The following ACY1 variants were observed in gnomAD, a reference collection of about 807,000 sequenced individuals.
ACY1 encodes aminoacylase 1, also known as aminoacylase-1.
ACY1 carries 38 observed loss-of-function variants against 53.3 expected under a neutral mutation model. That is an observed-to-expected ratio of 0.71 (90% confidence interval 0.55 to 0.93). ACY1 has a LOEUF of 0.93. Ranked by LOEUF, ACY1 falls within the 40% of genes least tolerant of loss-of-function variation. The probability of loss-of-function intolerance (pLI) is 0.00; values close to 1 mark genes in which losing one functional copy is unlikely to be tolerated. For missense variants in ACY1, 484 were observed against 540.9 expected, an observed-to-expected ratio of 0.89 and a Z score of 1.04; for synonymous variants, 177 against 202.1, an observed-to-expected ratio of 0.88 and a Z score of 1.05.
intron 1 of ACY1, 107 bp downstream of exon 1, chr3:51,983,696 C>G (rs750801554): frequency 6.2e-5 from 18 of 292,150 alleles, no homozygotes; most frequent in Non-Finnish European, 1.1e-4. Context: ...TTTGTTTTTG[C>G]CTTTTTTTTT....
rs1559778946 is a variant in ACY1 at position 51,985,196 on chromosome 3, T to G, written c.95-11T>G. 1.2e-6 allele frequency: 2 copies of G among 1,600,288 alleles called. No homozygotes were observed. The highest frequency in any genetic ancestry group is 1.7e-6 in the Non-Finnish European group (2 of 1,174,336). On this transcript the variant is annotated splice_polypyrimidine_tract_variant and intron_variant, in intron 2 of 14. Transcript: ENST00000636358. ...AGGCAGAAGCAGCCCCAAGACACTC[T>G]GTGCCTCCAGGAGCTGCTGTGGCTT... is the stretch of plus-strand genomic sequence containing the variant.
chr3:51,985,969 C>T (rs767368892), intron 5 of ACY1, 23 bp downstream of exon 5: 87 of 1,594,984 alleles, frequency 5.5e-5, no homozygotes, highest in Non-Finnish European at 7.3e-5. Flanking sequence ...CATTCCTACT[C>T]CTCCACAATG....
chr3:51,985,841 C>T lies in ACY1; in HGVS notation c.265-11C>T, dbSNP rs764831604. ...TGGGGTTTGGGCCCCTCTTCCCATC[C>T]CTGCCCCCAGGAACATTGGAGTCAC... is the stretch of plus-strand genomic sequence containing the variant. On this transcript the variant is annotated splice_polypyrimidine_tract_variant and intron_variant, in intron 4 of 14. Coordinates refer to ENST00000636358, the MANE Select transcript of ACY1 (RefSeq NM_000666.3). 3 of 1,611,922 alleles carry T rather than the reference C, an allele frequency of 1.9e-6. No individual in the cohort carries two copies. Among genetic ancestry groups the T allele is most frequent in the Non-Finnish European group, 2.5e-6 (3 of 1,178,856 alleles).
chr3:51,986,565 C>A (rs1395872285), intron 7 of ACY1, 40 bp from the exon 8 acceptor site: 1 of 1,614,058 alleles, frequency 6.2e-7, no homozygotes. Context: ...CTAGTGGGGA[C>A]TGAGCTGCTC....
At chr3:51,984,020 GTAGT>G (rs1422976067) in intron 1 of ACY1, 23 bp from the exon 2 acceptor site, 1 of 1,532,450 alleles carries the variant, frequency 6.5e-7, no homozygotes, top group Non-Finnish European at 9.0e-7. Context: ...TCTTGGAGGG[GTAGT>G]TAGCCATTCA....
At chr3:51,986,925 C>T in intron 8 of ACY1, 63 bp from the exon 9 acceptor site, 1 of 1,565,344 alleles carries the variant, frequency 6.4e-7, no homozygotes, top group Non-Finnish European at 8.7e-7. Context: ...GGGCCCACCC[C>T]AGGCTGATTG....
chr3:51,985,350 A>G lies in ACY1; in HGVS notation c.160-11A>G. The G allele has an allele frequency of 6.2e-7, 1 of 1,614,110 alleles. No individual in the cohort carries two copies. The highest frequency in any genetic ancestry group is 8.5e-7 in the Non-Finnish European group (1 of 1,179,994). On this transcript the variant is annotated splice_polypyrimidine_tract_variant and intron_variant, in intron 3 of 14. Coordinates refer to ENST00000636358, the MANE Select transcript of ACY1 (RefSeq NM_000666.3). ...CCTGCTCAGACCACCTACCCTCCTG[A>G]CCATCTCCAGGTGGCACCTGGCTAT...
chr3:51,988,113 A>G (rs1701137475), intron 12 of ACY1: 1 of 338,590 alleles, frequency 3.0e-6, no homozygotes, highest in Non-Finnish European at 5.7e-6. Flanking sequence ...TGATCCACCC[A>G]CCTTGGCCTC....
chr3:51,985,474 G>T lies in ACY1; in HGVS notation c.264+9G>T. On this transcript the variant is annotated intron_variant, in intron 4 of 14. Coordinates refer to ENST00000636358, the MANE Select transcript of ACY1 (RefSeq NM_000666.3). Reference sequence around the variant, plus strand: ...TGGTGCCTGTCTTCAAGGTGTGTAAGGGGCTGGGGAGGTGGGCAGTGCAGG... The same window carrying T: ...TGGTGCCTGTCTTCAAGGTGTGTAATGGGCTGGGGAGGTGGGCAGTGCAGG... 6.2e-7 allele frequency: 1 copy of T among 1,613,604 alleles called. No individual in the cohort carries two copies. Among genetic ancestry groups the T allele is most frequent in the Middle Eastern group, 1.7e-4 (1 of 6,060 alleles).
In ACY1 at chr3:51,985,874, T is replaced by A; in HGVS notation, c.287T>A (p.Phe96Tyr). 6.2e-7 allele frequency: 1 copy of A among 1,613,722 alleles called. No homozygotes were observed. Among genetic ancestry groups the A allele is most frequent in the African/African-American group, 1.3e-5 (1 of 75,024 alleles). ...VFKEHWSHDP[F>Y]EAFKDSEGYI... ...CAGGAACATTGGAGTCACGACCCCT[T>A]TGAGGCCTTCAAGGATTCTGAGGGC... Residue 96 changes from phenylalanine (F) to tyrosine (Y), a missense_variant, in exon 5 of 15, where the codon TTT becomes TAT. Phe to Tyr is a conservative substitution (Grantham distance 22, BLOSUM62 3). Transcript: ENST00000636358.
chr3:51,988,905 C>A lies in ACY1; in HGVS notation c.1063-6C>A, dbSNP rs754968365. ...TTTCCCTAACGGCTCTTCCTCACCC[C>A]TGCAGGTGGGGGTCCCAGCTCTAGG... On this transcript the variant is annotated splice_polypyrimidine_tract_variant and splice_region_variant and intron_variant, in intron 14 of 14. Transcript: ENST00000636358. 1.1e-5 allele frequency: 17 copies of A among 1,614,108 alleles called. No homozygotes were observed. The Admixed American group carries it at 2.8e-4, about 27-fold the overall frequency.
At position 51,987,186 on chromosome 3, in the gene ACY1, G is replaced by A; in HGVS notation, c.697G>A (p.Glu233Lys). ...CTCCATCCTGGCATTCCGGGAGAAG[G>A]AATGGCAGAGGTGAGGCAGCCTGGG... ...VNSILAFREK[E>K]WQRLQSNPHL... Residue 233 changes from glutamate (E) to lysine (K), a missense_variant, in exon 10 of 15, where the codon GAA (glutamate) becomes AAA (lysine). Coordinates refer to ENST00000636358, the MANE Select transcript of ACY1 (RefSeq NM_000666.3). 1.2e-6 allele frequency: 2 copies of A among 1,614,186 alleles called. No homozygotes were observed. Among genetic ancestry groups the A allele is most frequent in the Non-Finnish European group, 1.7e-6 (2 of 1,180,012 alleles).
At chr3:51,986,527 G>C in intron 7 of ACY1, 23 bp downstream of exon 7, 1 of 1,614,162 alleles carries the variant, frequency 6.2e-7, no homozygotes, top group Non-Finnish European at 8.5e-7. Context: ...GCAAGCCAAT[G>C]AGCAGCCAGG....
intron 2 of ACY1, chr3:51,984,660 T>C (rs1295476957): frequency 2.0e-5 from 5 of 254,280 alleles, no homozygotes; most frequent in Non-Finnish European, 1.5e-5. Context: ...ACAGAAAAAA[T>C]ACAAAAATTA....
intron 8 of ACY1, 111 bp from the exon 9 acceptor site, chr3:51,986,877 G>A (rs1701081835): frequency 2.2e-6 from 3 of 1,335,190 alleles, no homozygotes; most frequent in Admixed American, 2.0e-5. Flanking sequence ...AGTGGGGACA[G>A]GACCCTGCCA....
rs1445471899 is a variant in ACY1, at chr3:51,985,855, C to T, written c.268C>T (p.His90Tyr). The T allele has an allele frequency of 7.4e-6, 12 of 1,613,214 alleles. No individual in the cohort carries two copies. The highest frequency in any genetic ancestry group is 2.7e-5 in the African/African-American group (2 of 74,896). ...HTDVVPVFKE[H>Y]WSHDPFEAFK... ...CTCTTCCCATCCCTGCCCCCAGGAACATTGGAGTCACGACCCCTTTGAGGC... is the reference window on the plus strand; with the variant it reads ...CTCTTCCCATCCCTGCCCCCAGGAATATTGGAGTCACGACCCCTTTGAGGC... Residue 90 changes from histidine (H) to tyrosine (Y), a missense_variant, in exon 5 of 15, where the codon CAT becomes TAT. Transcript: ENST00000636358.
At chr3:51,983,658 T>G in intron 1 of ACY1, 69 bp downstream of exon 1, 8 of 261,654 alleles carry the variant, frequency 3.1e-5, no homozygotes, top group South Asian at 1.2e-4. Flanking sequence ...CTGGGAGGCG[T>G]TGGGGTTTTT....
chr3:51,989,126 C>T lies in ACY1; in HGVS notation c.*51C>T. On this transcript the variant is annotated 3_prime_UTR_variant, in exon 15 of 15. Transcript: ENST00000636358. ...CCTGGGGCTTCCATCCCAACCAGTG[C>T]CAAGGACCTCCTCTTCCCCCTTCCA... 1 of 1,603,240 alleles carries T rather than the reference C, an allele frequency of 6.2e-7. No individual in the cohort carries two copies. The highest frequency in any genetic ancestry group is 1.1e-5 in the South Asian group (1 of 90,970).
At chr3:51,984,256 C>A in intron 2 of ACY1, 98 bp downstream of exon 2, 1 of 1,138,248 alleles carries the variant, frequency 8.8e-7, no homozygotes, top group Non-Finnish European at 1.3e-6. Context: ...CTGAGCCCCA[C>A]TCTGCTGTCC....
Sources: gnomAD v4.1 joint callset for allele counts on GRCh38, gnomAD v4.1.1 for gene constraint, MANE v1.5 for transcripts, NCBI Gene and HGNC (gene_info 2026-07-23, HGNC 2026-07-21) for gene names.